Variants in PCDH7 observed in about 807,000 individuals in gnomAD.
PCDH7 encodes protocadherin-7.
PCDH7 carries 17 observed loss-of-function variants against 58.9 expected under a neutral mutation model. The ratio of observed to expected loss-of-function variants is 0.29; its 90% CI spans 0.20 to 0.43. The LOEUF is 0.43. Ranked by LOEUF, PCDH7 falls within the 20% of genes least tolerant of loss-of-function variation. The pLI is 1.00. For synonymous variants in PCDH7, 664 were observed against 616.4 expected (o/e 1.08, Z -1.14); for missense variants, 1,274 against 1,441.0 (o/e 0.88, Z 1.88).
chr4:30,996,337 A>G (rs1272233155), intron 3 of PCDH7, among the ~76,000 whole-genome samples: 4 of 152,210 alleles, frequency 2.6e-5, no homozygotes, highest in African/African-American at 7.2e-5. Context: ...ATTGTTTGCA[A>G]TGTTCCTCAG....
intron 3 of PCDH7, among the ~76,000 whole-genome samples, chr4:31,109,595 A>G (rs555544233): frequency 6.6e-6 from 1 of 152,200 alleles, no homozygotes; most frequent in Non-Finnish European, 1.5e-5. Flanking sequence ...TATTTATTTT[A>G]TAATATACAG....
chr4:31,032,695 G>GGAGA (rs1755056256), intron 3 of PCDH7, among the ~76,000 whole-genome samples: 3 of 137,030 alleles, frequency 2.2e-5, no homozygotes, highest in African/African-American at 8.0e-5. Context: ...AGGGAGGGAG[G>GGAGA]GAGGGAGGGA....
intron 1 of PCDH7, among the ~76,000 whole-genome samples, chr4:30,766,584 T>C (rs1720779657): frequency 6.6e-6 from 1 of 151,992 alleles, no homozygotes; most frequent in Non-Finnish European, 1.5e-5. Flanking sequence ...GATACTGGTG[T>C]ATTTATAGGC....
intron 3 of PCDH7, among the ~76,000 whole-genome samples, chr4:31,063,266 A>G (rs1757831294): frequency 6.6e-6 from 1 of 151,874 alleles, no homozygotes; most frequent in Non-Finnish European, 1.5e-5. Context: ...GCTTATTCAG[A>G]TAGTCAGAAG....
intron 3 of PCDH7, among the ~76,000 whole-genome samples, chr4:31,056,492 A>AGAAAG (rs1560608747): frequency 7.4e-6 from 1 of 136,044 alleles, no homozygotes; most frequent in Admixed American, 7.5e-5. Context: ...AAAGAAAGAA[A>AGAAAG]GAAAGAAAGA....
At chr4:31,004,184 T>C (rs1375576442) in intron 3 of PCDH7, among the ~76,000 whole-genome samples, 3 of 152,054 alleles carry the variant, frequency 2.0e-5, no homozygotes, top group Admixed American at 2.0e-4. Context: ...ACGTTTAACT[T>C]CGGTTTGTAT....
At chr4:30,915,712 C>T (rs1001811589) in intron 1 of PCDH7, among the ~76,000 whole-genome samples, 2 of 151,990 alleles carry the variant, frequency 1.3e-5, no homozygotes, top group Non-Finnish European at 2.9e-5. Flanking sequence ...TTGGTAGAGA[C>T]GGGGTTTCAC....
intron 3 of PCDH7, among the ~76,000 whole-genome samples, chr4:31,019,797 C>T (rs769785064): frequency 3.3e-5 from 5 of 151,948 alleles, no homozygotes; most frequent in Non-Finnish European, 5.9e-5. Flanking sequence ...CACGCACATG[C>T]ACACACACCC....
At chr4:30,756,546 G>A (rs985174357) in intron 1 of PCDH7, among the ~76,000 whole-genome samples, 12 of 152,146 alleles carry the variant, frequency 7.9e-5, no homozygotes, top group Non-Finnish European at 1.8e-4. Context: ...CTGACACCCC[G>A]AATACGGTAC....
At chr4:30,927,728 G>T (rs1017158618) in intron 2 of PCDH7, among the ~76,000 whole-genome samples, 1 of 152,000 alleles carries the variant, frequency 6.6e-6, no homozygotes, top group African/African-American at 2.4e-5. Flanking sequence ...GTGGAAGGCC[G>T]CAGGGTCCTC....
intron 3 of PCDH7, among the ~76,000 whole-genome samples, chr4:31,140,485 C>G (rs1173035954): frequency 7.0e-6 from 1 of 142,982 alleles, no homozygotes; most frequent in Non-Finnish European, 1.5e-5. Context: ...AAAAGAGGAG[C>G]AATTTGAATT....
intron 3 of PCDH7, among the ~76,000 whole-genome samples, chr4:30,952,354 G>T (rs1377778728): frequency 6.6e-6 from 1 of 151,822 alleles, no homozygotes; most frequent in Non-Finnish European, 1.5e-5. Flanking sequence ...TTATACATGG[G>T]ATTATAGGAA....
chr4:30,951,446 C>T (rs756345307), intron 3 of PCDH7, among the ~76,000 whole-genome samples: 2 of 152,160 alleles, frequency 1.3e-5, no homozygotes, highest in East Asian at 1.9e-4. Flanking sequence ...TACCCATATT[C>T]CTTGCCTTTA....
At chr4:31,017,117 AC>A (rs1297419259) in intron 3 of PCDH7, among the ~76,000 whole-genome samples, 2 of 152,122 alleles carry the variant, frequency 1.3e-5, no homozygotes, top group Non-Finnish European at 2.9e-5. Flanking sequence ...AGAGAAGTAC[AC>A]CCAGTTAGCC....
chr4:31,077,819 C>T (rs1272025221), intron 3 of PCDH7, among the ~76,000 whole-genome samples: 1 of 152,104 alleles, frequency 6.6e-6, no homozygotes, highest in Non-Finnish European at 1.5e-5. Flanking sequence ...TGATATATGA[C>T]TCTGAAATTT....
chr4:31,140,643 CA>C (rs1158194635), intron 3 of PCDH7, among the ~76,000 whole-genome samples: 2 of 148,104 alleles, frequency 1.4e-5, no homozygotes. Flanking sequence ...AAAAGGATCC[CA>C]AAATAGGAAA....
chr4:31,082,502 AG>A (rs1711625079), intron 3 of PCDH7, among the ~76,000 whole-genome samples: 1 of 152,202 alleles, frequency 6.6e-6, no homozygotes, highest in Non-Finnish European at 1.5e-5. Flanking sequence ...ATCAGCCAAA[AG>A]TTTGGATGTC....
At chr4:30,908,834 A>G (rs1741342670) in intron 1 of PCDH7, among the ~76,000 whole-genome samples, 1 of 152,210 alleles carries the variant, frequency 6.6e-6, no homozygotes, top group Non-Finnish European at 1.5e-5. Context: ...TCATTTTGTG[A>G]GGCCAGCATC....
chr4:31,020,818 G>T (rs1753965233), intron 3 of PCDH7, among the ~76,000 whole-genome samples: 2 of 152,096 alleles, frequency 1.3e-5, no homozygotes, highest in African/African-American at 2.4e-5. Flanking sequence ...GTAATGCAGG[G>T]CTGTATATAT....
Sources: allele counts gnomAD v4.1 joint callset (sites outside exome capture counted in the v4.1 genomes callset), GRCh38; gene constraint gnomAD v4.1.1; transcripts MANE v1.5; gene names NCBI Gene and HGNC (gene_info 2026-07-23, HGNC 2026-07-21).